Variants in NAV2 observed in about 807,000 individuals in gnomAD.
The protein encoded by NAV2 is neuron navigator 2, also known as helicase, APC down-regulated 1.
Under a neutral mutation model 223.2 loss-of-function variants are expected in NAV2, and 54 were observed. That is an observed-to-expected ratio of 0.24 (90% CI 0.19 to 0.30). The LOEUF (loss-of-function observed/expected upper bound fraction) is 0.30. Among genes scored for constraint, NAV2 ranks in the 10% least tolerant of loss-of-function variants. NAV2 has a pLI of 1.00. For missense variants in NAV2, 2,806 were observed against 3,147.5 expected (o/e 0.89, Z 2.60); for synonymous variants, 1,279 against 1,239.3 (o/e 1.03, Z -0.67).
upstream of NAV2, among the ~76,000 whole-genome samples, chr11:19,709,460 T>C (rs1341423246): frequency 7.1e-6 from 1 of 140,394 alleles, no homozygotes; most frequent in Non-Finnish European, 1.5e-5. Context: ...GAGAATGGGG[T>C]GTACCCAGGA....
At chr11:19,977,264 T>G (rs1471569098) in intron 10 of NAV2, among the ~76,000 whole-genome samples, 1 of 152,248 alleles carries the variant, frequency 6.6e-6, no homozygotes, top group Non-Finnish European at 1.5e-5. Flanking sequence ...TCTTGTTTCT[T>G]AACTGTGTGG....
intron 1 of NAV2, among the ~76,000 whole-genome samples, chr11:19,698,356 T>C (rs2049408406): frequency 6.6e-6 from 1 of 152,242 alleles, no homozygotes; most frequent in Non-Finnish European, 1.5e-5. Context: ...GCTGTTATTA[T>C]GCCTGCTTAA....
chr11:19,983,934 C>T (rs1403724812), intron 10 of NAV2, among the ~76,000 whole-genome samples, 191 bp from the exon 11 acceptor site: 1 of 152,126 alleles, frequency 6.6e-6, no homozygotes, highest in African/African-American at 2.4e-5. Context: ...TGTTAGCGAG[C>T]TGGGGATCCT....
intron 6 of NAV2, among the ~76,000 whole-genome samples, chr11:19,903,363 T>A (rs2042605167): frequency 1.3e-5 from 2 of 152,172 alleles, no homozygotes; most frequent in African/African-American, 4.8e-5. Flanking sequence ...ATTCTTAGTG[T>A]CCTAGGAGCT....
At chr11:19,777,002 G>A (rs973170835) in intron 1 of NAV2, among the ~76,000 whole-genome samples, 5 of 151,858 alleles carry the variant, frequency 3.3e-5, no homozygotes, top group African/African-American at 4.8e-5. Context: ...CGCGCCCACC[G>A]GCGGCAGTGG....
intron 1 of NAV2, among the ~76,000 whole-genome samples, chr11:19,491,302 C>G (rs1489583800): frequency 6.6e-6 from 1 of 152,186 alleles, no homozygotes; most frequent in Non-Finnish European, 1.5e-5. Context: ...TATGAAAGTC[C>G]TACATGGCAT....
At chr11:20,077,821 T>C (rs1454518333) in intron 23 of NAV2, among the ~76,000 whole-genome samples, 172 bp from the exon 24 acceptor site, 1 of 152,240 alleles carries the variant, frequency 6.6e-6, no homozygotes, top group Non-Finnish European at 1.5e-5. Context: ...CAATGATAGA[T>C]CTTGTAGTTA....
At chr11:19,922,433 T>A (rs1565564929) in intron 6 of NAV2, among the ~76,000 whole-genome samples, 1 of 152,194 alleles carries the variant, frequency 6.6e-6, no homozygotes, top group Non-Finnish European at 1.5e-5. Flanking sequence ...ATCCTCGTCC[T>A]TTAGGGCAAA....
chr11:19,398,762 A>T (rs1849566888), intron 1 of NAV2, among the ~76,000 whole-genome samples: 1 of 152,032 alleles, frequency 6.6e-6, no homozygotes, highest in Non-Finnish European at 1.5e-5. Flanking sequence ...CATTCTGTTA[A>T]TCTCCTGCTC....
In NAV2 at chr11:19,958,500, G is replaced by T. The variant is rs552010017; in HGVS notation, c.2645+9420G>T. Among the ~76,000 whole-genome samples the T allele has an allele frequency of 4.6e-5, 7 of 152,196 alleles. No homozygotes were observed. In the East Asian group the frequency reaches 1.3e-3, roughly 29 times the overall value. On this transcript the variant is annotated intron_variant, in intron 10 of 37. Coordinates refer to ENST00000349880, the MANE Select transcript of NAV2 (RefSeq NM_145117.5). ...CATAAGGTGAGGGTCGGTGGGAAAAGTGTGGGCTGTGGAGTTTGACCTGCA... is the reference window on the plus strand; with the variant it reads ...CATAAGGTGAGGGTCGGTGGGAAAATTGTGGGCTGTGGAGTTTGACCTGCA...
chr11:19,776,575 G>GA (rs1476311850), intron 1 of NAV2, among the ~76,000 whole-genome samples: 10 of 103,964 alleles, frequency 9.6e-5, no homozygotes, highest in African/African-American at 5.8e-5. Context: ...GGCTGGGGCA[G>GA]GGGTGTGTGT....
intron 2 of NAV2, among the ~76,000 whole-genome samples, chr11:19,835,385 ACT>A (rs2060174540): frequency 6.6e-6 from 1 of 152,126 alleles, no homozygotes; most frequent in Admixed American, 6.5e-5. Context: ...GGGCTTGGAA[ACT>A]CTGCTCTGTA....
upstream of NAV2, among the ~76,000 whole-genome samples, chr11:19,349,196 G>T (rs1320952291): frequency 6.6e-6 from 1 of 152,194 alleles, no homozygotes. Flanking sequence ...TGTGACTTGG[G>T]AATTCACTTG....
chr11:20,036,121 G>C lies in NAV2; in HGVS notation c.2907+24G>C, dbSNP rs113844172. The C allele has an allele frequency of 2.0e-3, 3,175 of 1,613,896 alleles. 50 individuals are homozygous for C. The African/African-American group carries it at 0.037, about 19-fold the overall frequency. ...AGGTGAGGAACACAGGCCCTCCCAG[G>C]CTCCTCCAGCAGCCTCTGGCAGCAG... is the stretch of plus-strand genomic sequence containing the variant. On this transcript the variant is annotated intron_variant, in intron 12 of 37. Coordinates refer to ENST00000349880, the MANE Select transcript of NAV2 (RefSeq NM_145117.5).
intron 1 of NAV2, among the ~76,000 whole-genome samples, chr11:19,792,204 G>A (rs892296742): frequency 6.6e-6 from 1 of 152,174 alleles, no homozygotes; most frequent in Admixed American, 6.5e-5. Context: ...TTAGGTCCAG[G>A]TCCCAGGCTT....
chr11:19,481,353 TCACTCAGTGACACC>T (rs1026847447), intron 1 of NAV2, among the ~76,000 whole-genome samples: 1 of 152,128 alleles, frequency 6.6e-6, no homozygotes, highest in Non-Finnish European at 1.5e-5. Context: ...GAGCTTTCAG[TCACTCAGTGACACC>T]CCAGGTGAGG....
intron 10 of NAV2, among the ~76,000 whole-genome samples, chr11:19,965,404 A>G (rs1317022121): frequency 6.6e-6 from 1 of 151,610 alleles, no homozygotes. Flanking sequence ...TTTTTCCCAC[A>G]CCCAGAACCC....
At chr11:19,885,131 C>T (rs866090466) in intron 5 of NAV2, among the ~76,000 whole-genome samples, 1 of 152,216 alleles carries the variant, frequency 6.6e-6, no homozygotes, top group Non-Finnish European at 1.5e-5. Flanking sequence ...ATTGAACGCA[C>T]CAGTTCAAAT....
At chr11:19,948,484 G>A (rs960908817) in intron 9 of NAV2, among the ~76,000 whole-genome samples, 2 of 152,180 alleles carry the variant, frequency 1.3e-5, no homozygotes. Flanking sequence ...GAAAGTCTCC[G>A]GTAGGCTTTT....
Sources: gnomAD v4.1 joint callset for allele counts (sites outside exome capture counted in the v4.1 genomes callset) on GRCh38, gnomAD v4.1.1 for gene constraint, MANE v1.5 for transcripts, NCBI Gene and HGNC (gene_info 2026-07-23, HGNC 2026-07-21) for gene names.